The following ZNF350 variants were observed in gnomAD, a reference collection of about 807,000 sequenced individuals.
The protein encoded by ZNF350 is zinc finger protein 350.
A neutral mutation model predicts 13.1 loss-of-function variants in ZNF350; 5 were observed. The ratio of observed to expected loss-of-function variants is 0.38; its 90% CI spans 0.20 to 0.80. The LOEUF (loss-of-function observed/expected upper bound fraction) is 0.80. Among genes scored for constraint, ZNF350 ranks in the 30% least tolerant of loss-of-function variants. The pLI is 0.43. For missense variants in ZNF350, 534 were observed against 644.2 expected, an observed-to-expected ratio of 0.83 and a Z score of 1.85; for synonymous variants, 199 against 224.2, an observed-to-expected ratio of 0.89 and a Z score of 1.00.
chr19:51,964,906 A>G lies in ZNF350; in HGVS notation c.1547T>C (p.Val516Ala), dbSNP rs762821767. The stretch of plus-strand genomic sequence containing the variant: ...GACATAATTGATCACGGAAGGCACA[A>G]CCACATTCACTGCATTCACAAGGTT... ...DRNLVNAVNV[V>A]VPSVINYVLF... The change falls in exon 5 of 5, where the codon GTT becomes GCT. Residue 516 changes from valine (V) to alanine (A), a missense_variant. Val to Ala is a moderately conservative substitution (Grantham distance 64, BLOSUM62 0). Coordinates refer to ENST00000243644, the MANE Select transcript of ZNF350 (RefSeq NM_021632.4). 3 of 1,613,982 alleles carry G rather than the reference A, an allele frequency of 1.9e-6. No individual in the cohort carries two copies. The highest frequency in any genetic ancestry group is 2.5e-6 in the Non-Finnish European group (3 of 1,179,964).
chr19:51,964,916 C>T lies in ZNF350; in HGVS notation c.1537G>A (p.Val513Met), dbSNP rs1240195539. Residue 513 changes from valine (V) to methionine (M), a missense_variant, in exon 5 of 5, where the codon GTG (valine) becomes ATG (methionine). Val to Met is a conservative substitution (Grantham distance 21, BLOSUM62 1). Coordinates refer to ENST00000243644, the MANE Select transcript of ZNF350 (RefSeq NM_021632.4). ...ATCACGGAAGGCACAACCACATTCA[C>T]TGCATTCACAAGGTTTCTGTCCTGT... ...FAQDRNLVNA[V>M]NVVVPSVINY... 1 of 1,614,198 alleles carries T rather than the reference C, an allele frequency of 6.2e-7. No homozygotes were observed. Among genetic ancestry groups the T allele is most frequent in the Non-Finnish European group, 8.5e-7 (1 of 1,180,018 alleles).
At chr19:51,978,570 A>G (rs1246317808) in intron 1 of ZNF350, among the ~76,000 whole-genome samples, 1 of 152,208 alleles carries the variant, frequency 6.6e-6, no homozygotes, top group Non-Finnish European at 1.5e-5. Flanking sequence ...GCACAACTAC[A>G]TGGGAAATCT....
chr19:51,967,904 A>G (rs1386586871), intron 4 of ZNF350, among the ~76,000 whole-genome samples: 1 of 152,198 alleles, frequency 6.6e-6, no homozygotes, highest in East Asian at 1.9e-4. Flanking sequence ...GAGAGTTGCC[A>G]TGAAGTAAAT....
intron 2 of ZNF350, among the ~76,000 whole-genome samples, chr19:51,970,844 T>C (rs568817914): frequency 9.9e-5 from 15 of 152,146 alleles, no homozygotes; most frequent in Middle Eastern, 6.8e-3. Context: ...AGGGAGACTA[T>C]AAAAAAATCC....
intron 2 of ZNF350, among the ~76,000 whole-genome samples, chr19:51,970,238 T>G (rs1045996215): frequency 2.6e-5 from 4 of 151,910 alleles, no homozygotes; most frequent in Non-Finnish European, 5.9e-5. Context: ...ATTTTTTGTA[T>G]TTTTAGTAGA....
chr19:51,966,695 TGG>T (rs2085588936), intron 4 of ZNF350, among the ~76,000 whole-genome samples: 1 of 151,628 alleles, frequency 6.6e-6, no homozygotes, highest in African/African-American at 2.4e-5. Context: ...TAGCCCAGGC[TGG>T]AGTGCAGTGA....
chr19:51,979,200 G>C (rs917218305), intron 1 of ZNF350, among the ~76,000 whole-genome samples: 2 of 152,164 alleles, frequency 1.3e-5, no homozygotes, highest in African/African-American at 4.8e-5. Context: ...GAAACTACTG[G>C]AGTGTCAGGG....
intron 1 of ZNF350, among the ~76,000 whole-genome samples, chr19:51,983,138 G>A (rs138758501): frequency 4.6e-5 from 7 of 152,348 alleles, no homozygotes; most frequent in Non-Finnish European, 1.0e-4. Flanking sequence ...AAGGTTTAAT[G>A]GATTTAGGGC....
At chr19:51,984,122 G>A (rs2086116872) in intron 1 of ZNF350, 1 of 150,790 alleles carries the variant, frequency 6.6e-6, no homozygotes, top group Admixed American at 6.6e-5. Context: ...GGTTGCAGTT[G>A]AGCCAAGCAC....
In ZNF350 at chr19:51,968,609, A is replaced by T. The variant is rs770779413; in HGVS notation, c.207T>A (p.Ile69=). The T allele has an allele frequency of 2.5e-6, 4 of 1,613,966 alleles. No individual in the cohort carries two copies. Among genetic ancestry groups the T allele is most frequent in the Non-Finnish European group, 3.4e-6 (4 of 1,180,014 alleles). The change falls in exon 4 of 5, where the codon ATT becomes ATA. Residue 69 remains isoleucine, a synonymous_variant. Coordinates refer to ENST00000243644, the MANE Select transcript of ZNF350 (RefSeq NM_021632.4). ...KLEQGEQLWT[I]EDGIHSGACS... ...AGGCTCCACTGTGGATTCCATCTTC[A>T]ATTGTCCACAGTTGTTCTCCTTGTT...
intron 1 of ZNF350, among the ~76,000 whole-genome samples, chr19:51,986,205 G>T (rs528091433): frequency 6.6e-6 from 1 of 152,038 alleles, no homozygotes; most frequent in Non-Finnish European, 1.5e-5. Context: ...CAGAAGAGTA[G>T]ATATATGGTT....
intron 1 of ZNF350, among the ~76,000 whole-genome samples, chr19:51,977,017 CAG>C (rs1327778380): frequency 2.0e-5 from 3 of 152,140 alleles, no homozygotes; most frequent in African/African-American, 7.2e-5. Context: ...AAATAAAAAA[CAG>C]GAGAGGGAGG....
At chr19:51,979,675 T>C (rs527391850) in intron 1 of ZNF350, among the ~76,000 whole-genome samples, 1 of 152,340 alleles carries the variant, frequency 6.6e-6, no homozygotes, top group African/African-American at 2.4e-5. Context: ...CAATAGTTCC[T>C]ACCCCACTCT....
intron 2 of ZNF350, among the ~76,000 whole-genome samples, chr19:51,971,593 A>G (rs1039803303): frequency 1.3e-5 from 2 of 152,182 alleles, no homozygotes; most frequent in African/African-American, 4.8e-5. Context: ...GAGGTTATCT[A>G]CTGCAACATT....
intron 1 of ZNF350, among the ~76,000 whole-genome samples, chr19:51,984,880 C>T (rs2086132037): frequency 6.6e-6 from 1 of 152,048 alleles, no homozygotes; most frequent in Non-Finnish European, 1.5e-5. Context: ...ACAGGAAAGA[C>T]CCTCACCAAT....
chr19:51,965,857 G>A lies in ZNF350; in HGVS notation c.596C>T (p.Thr199Ile), dbSNP rs200481670. The A allele has an allele frequency of 1.4e-5, 22 of 1,614,118 alleles. No homozygotes were observed. The highest frequency in any genetic ancestry group is 2.2e-5 in the East Asian group (1 of 44,866). ...SQFISPKHQK[T>I]RKLEKHHVCS... Reference sequence around the variant, plus strand: ...CACATGATGCTTCTCTAATTTTCGTGTTTTCTGATGCTTGGGACTGATGAA... The same window carrying A: ...CACATGATGCTTCTCTAATTTTCGTATTTTCTGATGCTTGGGACTGATGAA... Residue 199 changes from threonine (T) to isoleucine (I), a missense_variant, in exon 5 of 5, where the codon ACA (threonine) becomes ATA (isoleucine). Coordinates refer to ENST00000243644, the MANE Select transcript of ZNF350 (RefSeq NM_021632.4).
At position 51,965,596 on chromosome 19, in the gene ZNF350, C is replaced by G; in HGVS notation, c.857G>C (p.Gly286Ala). 6.2e-7 allele frequency: 1 copy of G among 1,614,152 alleles called. No individual in the cohort carries two copies. Residue 286 changes from glycine to alanine, a missense_variant, in exon 5 of 5, where the codon GGA becomes GCA. Coordinates refer to ENST00000243644, the MANE Select transcript of ZNF350 (RefSeq NM_021632.4). Reference sequence around the variant, plus strand: ...TTCACTGCATATATAGGGTTTCTCTCCGGTATGTGTTTTCTGATGTATGTT... The same window carrying G: ...TTCACTGCATATATAGGGTTTCTCTGCGGTATGTGTTTTCTGATGTATGTT... ...RLNIHQKTHT[G>A]EKPYICSECG...
At chr19:51,968,700 T>C (rs1599930760) in intron 3 of ZNF350, 27 bp from the exon 4 acceptor site, 2 of 1,604,662 alleles carry the variant, frequency 1.2e-6, no homozygotes, top group East Asian at 2.2e-5. Flanking sequence ...ATAGAGGACT[T>C]AGACATATCA....
Position 51,976,764 on chromosome 19 carries a change from G to A in ZNF350, c.-171-2233C>T, listed in dbSNP as rs1182405254. 1 of 152,168 alleles carries A rather than the reference G, an allele frequency of 6.6e-6. No individual in the cohort carries two copies. Among genetic ancestry groups the A allele is most frequent in the Non-Finnish European group, 1.5e-5 (1 of 68,038 alleles). 9.4% of individuals were successfully genotyped at this position (152,168 alleles called of 1,614,324 possible). ...CTAACCTCCTGCAGAAGCCACAAAA[G>A]GTTATTACACATAACCCATCGTTTC... On this transcript the variant is annotated intron_variant, in intron 1 of 4. Transcript: ENST00000243644. The surrounding 1 kb of genome is among the most constrained non-coding windows in gnomAD (Gnocchi z 4.5).
Sources: gnomAD v4.1 joint callset for allele counts (sites outside exome capture counted in the v4.1 genomes callset) on GRCh38, gnomAD v4.1.1 for gene constraint, Gnocchi (gnomAD v3.1) non-coding constraint, MANE v1.5 for transcripts, NCBI Gene and HGNC (gene_info 2026-07-23, HGNC 2026-07-21) for gene names.